CCDC185: variants seen among roughly 807,000 people sequenced by gnomAD.
The protein encoded by CCDC185 is coiled-coil domain containing 185.
For synonymous variants in CCDC185, 381 were observed against 348.1 expected (o/e 1.09, Z -1.05); for missense variants, 982 against 825.3 (o/e 1.19, Z -2.33).
At position 223,393,573 on chromosome 1, in the gene CCDC185, G is replaced by T; in HGVS notation, c.98G>T (p.Gly33Val). The T allele has an allele frequency of 6.5e-7, 1 of 1,546,342 alleles. No individual in the cohort carries two copies. The highest frequency in any genetic ancestry group is 1.4e-5 in the African/African-American group (1 of 71,374). The change falls in exon 1 of 1, where the codon GGG becomes GTG. Residue 33 changes from glycine to valine, a missense_variant. Gly to Val is a moderately radical substitution (Grantham distance 109). Coordinates refer to ENST00000366875, the MANE Select transcript of CCDC185 (RefSeq NM_152610.3). This position sits in a 1 kb window ranked among gnomAD's most constrained non-coding sequence, Gnocchi z 4.8. The part of the protein sequence containing the change: ...GERESTQRLG[G>V]QRSGADSTAC... ...CGAGAGTCCACGCAGCGGCTGGGCGGGCAGAGGTCCGGAGCCGACTCCACC... is the reference window on the plus strand; with the variant it reads ...CGAGAGTCCACGCAGCGGCTGGGCGTGCAGAGGTCCGGAGCCGACTCCACC...
rs141883646 is a variant in CCDC185 at position 223,394,517 on chromosome 1, G to C, written c.1042G>C (p.Glu348Gln). The C allele has an allele frequency of 4.5e-5, 71 of 1,592,702 alleles. No homozygotes were observed. Among genetic ancestry groups the C allele is most frequent in the Admixed American group, 1.2e-4 (7 of 56,132 alleles). ...GCCCCCGGGGGAAAGCCGGTGGAAG[G>C]AGCAACCAGAGGACCAGGAGAGCCC... ...NVPPGESRWK[E>Q]QPEDQESPRQ... The change falls in exon 1 of 1, where the codon GAG becomes CAG. Residue 348 changes from glutamate (E) to glutamine (Q), a missense_variant. Physicochemically the swap from Glu to Gln is conservative, Grantham distance 29. Transcript: ENST00000366875.
chr1:223,394,059 T>C lies in CCDC185; in HGVS notation c.584T>C (p.Val195Ala), dbSNP rs6689850. 84,274 of 1,614,054 alleles carry C rather than the reference T, an allele frequency of 0.052. 2,697 individuals carry two copies. Among genetic ancestry groups the C allele is most frequent in the Admixed American group, 0.12 (7,137 of 60,020 alleles). The change falls in exon 1 of 1, where the codon GTG becomes GCG. Residue 195 changes from valine to alanine, a missense_variant. Val to Ala is a moderately conservative substitution (Grantham distance 64, BLOSUM62 0). Coordinates refer to ENST00000366875, the MANE Select transcript of CCDC185 (RefSeq NM_152610.3). ...TCAGTTCCCTCGGAGCGGTCTTCTG[T>C]GCCCTCGCAAAAGTTCAAGAGGCAC... ...PSSVPSERSS[V>A]PSQKFKRHSA...
rs376868687 is a variant in CCDC185, at chr1:223,394,201, C to G, written c.726C>G (p.Val242=). The G allele has an allele frequency of 1.2e-6, 2 of 1,613,876 alleles. No homozygotes were observed. The highest frequency in any genetic ancestry group is 1.3e-5 in the African/African-American group (1 of 74,934). The change falls in exon 1 of 1, where the codon GTC becomes GTG. Residue 242 remains valine, a synonymous_variant. Coordinates refer to ENST00000366875, the MANE Select transcript of CCDC185 (RefSeq NM_152610.3). ...AGATGCGGAGCCCGCACACCCAGGTCCTGAAGAGCAAGCTGGAAGAGGTGG... is the reference window on the plus strand; with the variant it reads ...AGATGCGGAGCCCGCACACCCAGGTGCTGAAGAGCAAGCTGGAAGAGGTGG... ...SKEMRSPHTQ[V]LKSKLEEVVV...
In CCDC185 at chr1:223,394,476, G is replaced by T; in HGVS notation, c.1001G>T (p.Ser334Ile). The change falls in exon 1 of 1, where the codon AGC becomes ATC. Residue 334 changes from serine to isoleucine, a missense_variant. By Grantham distance (142) the Ser-to-Ile change is moderately radical. Coordinates refer to ENST00000366875, the MANE Select transcript of CCDC185 (RefSeq NM_152610.3). ...SPEQRGLRRD[S>I]QRKNVPPGES... Reference sequence around the variant, plus strand: ...GAGCAGCGCGGCCTGCGGCGGGACAGCCAGAGGAAGAACGTGCCCCCGGGG... The same window carrying T: ...GAGCAGCGCGGCCTGCGGCGGGACATCCAGAGGAAGAACGTGCCCCCGGGG... 1 of 1,574,006 alleles carries T rather than the reference G, an allele frequency of 6.4e-7. No individual in the cohort carries two copies. Among genetic ancestry groups the T allele is most frequent in the African/African-American group, 1.3e-5 (1 of 74,140 alleles).
chr1:223,394,849 G>A lies in CCDC185; in HGVS notation c.1374G>A (p.Arg458=), dbSNP rs770273917. 4 of 1,614,054 alleles carry A rather than the reference G, an allele frequency of 2.5e-6. No individual in the cohort carries two copies. The highest frequency in any genetic ancestry group is 1.7e-4 in the Middle Eastern group (1 of 6,040). ...RQLSLEQSFQ[R]SQEIHQGLRK... is the part of the protein sequence containing the mutation. ...TGTCCCTGGAACAAAGTTTCCAGCG[G>A]TCCCAGGAGATACACCAGGGCCTGA... is the stretch of plus-strand genomic sequence containing the variant. The change falls in exon 1 of 1, where the codon CGG becomes CGA. Residue 458 remains arginine, a synonymous_variant. Transcript: ENST00000366875.
In CCDC185 at chr1:223,394,892, G is replaced by A. The variant is rs150202794; in HGVS notation, c.1417G>A (p.Glu473Lys). The change falls in exon 1 of 1, where the codon GAG becomes AAG. Residue 473 changes from glutamate to lysine, a missense_variant. Transcript: ENST00000366875. ...GGGCCTGAGGAAGGAGCGGCAACGC[G>A]AGCTGAGGGAGAAGGCCCAGAAGGA... The part of the protein sequence containing the change: ...HQGLRKERQR[E>K]LREKAQKEEE... The A allele has an allele frequency of 2.8e-3, 4,478 of 1,614,154 alleles. 15 individuals carry two copies. Among genetic ancestry groups the A allele is most frequent in the Non-Finnish European group, 2.6e-3 (3,076 of 1,180,036 alleles).
Position 223,393,695 on chromosome 1 carries a change from G to T in CCDC185, c.220G>T (p.Gly74Trp). The T allele has an allele frequency of 1.3e-6, 2 of 1,573,624 alleles. No individual in the cohort carries two copies. The highest frequency in any genetic ancestry group is 1.7e-6 in the Non-Finnish European group (2 of 1,163,980). The change falls in exon 1 of 1, where the codon GGG (glycine) becomes TGG (tryptophan). Residue 74 changes from glycine (G) to tryptophan (W), a missense_variant. Gly to Trp is a radical substitution (Grantham distance 184). Transcript: ENST00000366875. The surrounding 1 kb of genome is among the most constrained non-coding windows in gnomAD (Gnocchi z 4.8). ...CSFTPRPRRR[G>W]CSDSLRGSRS... ...GTTCACCCCGCGGCCTCGCAGGCGC[G>T]GGTGCTCAGATTCACTGCGGGGCAG... is the stretch of plus-strand genomic sequence containing the variant.
Position 223,395,001 on chromosome 1 carries a change from T to G in CCDC185, c.1526T>G (p.Leu509Arg). The stretch of plus-strand genomic sequence containing the variant: ...ATGCGCAAAAGAATTCTGGTGGAGC[T>G]GGCGGATGAGAAGATCCGACAGGCC... ...RKMRKRILVE[L>R]ADEKIRQARS... The change falls in exon 1 of 1, where the codon CTG becomes CGG. Residue 509 changes from leucine (L) to arginine (R), a missense_variant. Transcript: ENST00000366875. The G allele has an allele frequency of 6.2e-7, 1 of 1,613,848 alleles. No homozygotes were observed. Among genetic ancestry groups the G allele is most frequent in the South Asian group, 1.1e-5 (1 of 91,060 alleles).
Position 223,394,688 on chromosome 1 carries a change from T to C in CCDC185, c.1213T>C (p.Cys405Arg). The change falls in exon 1 of 1, where the codon TGT becomes CGT. Residue 405 changes from cysteine to arginine, a missense_variant. Coordinates refer to ENST00000366875, the MANE Select transcript of CCDC185 (RefSeq NM_152610.3). ...LQLQRRLVEA[C>R]RKRHLHAVEG... ...GCTGCAGAGGAGGCTGGTGGAAGCC[T>C]GTCGCAAGAGGCACCTACATGCCGT... The C allele has an allele frequency of 1.2e-6, 2 of 1,612,050 alleles. No homozygotes were observed. Among genetic ancestry groups the C allele is most frequent in the Non-Finnish European group, 1.7e-6 (2 of 1,179,534 alleles).
Position 223,394,349 on chromosome 1 carries a change from CAGA to C in CCDC185, c.877_879del (p.Lys293del). 6.3e-7 allele frequency: 1 copy of C among 1,590,164 alleles called. No individual in the cohort carries two copies. The highest frequency in any genetic ancestry group is 8.6e-7 in the Non-Finnish European group (1 of 1,168,538). ...CTGGGAGGAGCTGAAGCGCTCGGATCAGAAGGTCCAGATGACCCTGGAGCGGGA... is the reference window on the plus strand; with the variant it reads ...CTGGGAGGAGCTGAAGCGCTCGGATCAGGTCCAGATGACCCTGGAGCGGGA... On this transcript the variant is annotated inframe_deletion, in exon 1 of 1. Coordinates refer to ENST00000366875, the MANE Select transcript of CCDC185 (RefSeq NM_152610.3).
rs1413468831 is a variant in CCDC185 at position 223,394,706 on chromosome 1, C to T, written c.1231C>T (p.His411Tyr). The change falls in exon 1 of 1, where the codon CAT becomes TAT. Residue 411 changes from histidine (H) to tyrosine (Y), a missense_variant. Transcript: ENST00000366875. ...GGAAGCCTGTCGCAAGAGGCACCTA[C>T]ATGCCGTGGAGGGCCAGAAGAAGGT... is the stretch of plus-strand genomic sequence containing the variant. ...LVEACRKRHL[H>Y]AVEGQKKVQD... 5.6e-6 allele frequency: 9 copies of T among 1,611,760 alleles called. No homozygotes were observed. The highest frequency in any genetic ancestry group is 1.7e-4 in the Middle Eastern group (1 of 6,048).
Position 223,394,535 on chromosome 1 carries a change from G to C in CCDC185, c.1060G>C (p.Glu354Gln). Reference protein sequence around the residue: ...SRWKEQPEDQESPRQEKLEKA... With the variant: ...SRWKEQPEDQQSPRQEKLEKA... The stretch of plus-strand genomic sequence containing the variant: ...GTGGAAGGAGCAACCAGAGGACCAG[G>C]AGAGCCCGCGCCAGGAGAAGCTGGA... Residue 354 changes from glutamate (E) to glutamine (Q), a missense_variant, in exon 1 of 1, where the codon GAG (glutamate) becomes CAG (glutamine). Glu to Gln is a conservative substitution (Grantham distance 29). Transcript: ENST00000366875. 1 of 1,598,344 alleles carries C rather than the reference G, an allele frequency of 6.3e-7. No individual in the cohort carries two copies. The highest frequency in any genetic ancestry group is 8.5e-7 in the Non-Finnish European group (1 of 1,173,050).
Position 223,394,381 on chromosome 1 carries a change from C to CCGG in CCDC185, c.908_910dup (p.Arg303dup). On this transcript the variant is annotated inframe_insertion, in exon 1 of 1. Coordinates refer to ENST00000366875, the MANE Select transcript of CCDC185 (RefSeq NM_152610.3). ...TCCAGATGACCCTGGAGCGGGAGCG[C>CCGG]CGGCTGCTGCTGCGGCAGAGCCAGG... 1 of 1,571,970 alleles carries CCGG rather than the reference C, an allele frequency of 6.4e-7. No individual in the cohort carries two copies. The highest frequency in any genetic ancestry group is 1.9e-5 in the Admixed American group (1 of 52,916).
In CCDC185 at chr1:223,394,401, G is replaced by A; in HGVS notation, c.926G>A (p.Ser309Asn). The A allele has an allele frequency of 5.1e-6, 8 of 1,570,046 alleles. No individual in the cohort carries two copies. The highest frequency in any genetic ancestry group is 2.4e-5 in the East Asian group (1 of 42,348). ...GAGCGCCGGCTGCTGCTGCGGCAGA[G>A]CCAGGAGCAGTGGCAGGAGAAGGAG... is the stretch of plus-strand genomic sequence containing the variant. The part of the protein sequence containing the change: ...ERERRLLLRQ[S>N]QEQWQEKEQR... Residue 309 changes from serine (S) to asparagine (N), a missense_variant, in exon 1 of 1, where the codon AGC (serine) becomes AAC (asparagine). Transcript: ENST00000366875.
chr1:223,393,425 C>T lies in CCDC185; in HGVS notation c.-51C>T, dbSNP rs1188336489. 23 of 1,405,218 alleles carry T rather than the reference C, an allele frequency of 1.6e-5. No individual in the cohort carries two copies. The highest frequency in any genetic ancestry group is 2.1e-5 in the Non-Finnish European group (23 of 1,080,728). The allele number at this position is 1,405,218 out of a possible 1,614,324, so 87.0% of individuals were successfully genotyped here. A position where few individuals can be genotyped will look rare whatever the true frequency, so the allele number is the denominator to read the frequency against. Reference sequence around the variant, plus strand: ...GCAGGGCGGGTGTCTGCAGCGTCCTCGGGAGGTCTCAGGCCCCTTGGGCAG... The same window carrying T: ...GCAGGGCGGGTGTCTGCAGCGTCCTTGGGAGGTCTCAGGCCCCTTGGGCAG... On this transcript the variant is annotated 5_prime_UTR_variant, in exon 1 of 1. Coordinates refer to ENST00000366875, the MANE Select transcript of CCDC185 (RefSeq NM_152610.3). This position sits in a 1 kb window ranked among gnomAD's most constrained non-coding sequence, Gnocchi z 4.8.
At position 223,394,995 on chromosome 1, in the gene CCDC185, T is replaced by C; in HGVS notation, c.1520T>C (p.Val507Ala). 1 of 1,613,904 alleles carries C rather than the reference T, an allele frequency of 6.2e-7. No homozygotes were observed. The highest frequency in any genetic ancestry group is 2.2e-5 in the East Asian group (1 of 44,844). ...EQRKMRKRILVELADEKIRQA... is the reference protein window; with the variant it reads ...EQRKMRKRILAELADEKIRQA... ...AGGAAGATGCGCAAAAGAATTCTGG[T>C]GGAGCTGGCGGATGAGAAGATCCGA... Residue 507 changes from valine to alanine, a missense_variant, in exon 1 of 1, where the codon GTG becomes GCG. Transcript: ENST00000366875.
Position 223,393,759 on chromosome 1 carries a change from G to A in CCDC185, c.284G>A (p.Arg95His). Residue 95 changes from arginine (R) to histidine (H), a missense_variant, in exon 1 of 1, where the codon CGT becomes CAT. Transcript: ENST00000366875. The surrounding 1 kb of genome is among the most constrained non-coding windows in gnomAD (Gnocchi z 4.8). ...LSDVARRPLERSRKHRPRSRR... is the reference protein window; with the variant it reads ...LSDVARRPLEHSRKHRPRSRR... ...GATGTGGCCCGCAGGCCCCTGGAAC[G>A]TTCCAGGAAGCACCGGCCCCGCAGC... The A allele has an allele frequency of 1.9e-6, 3 of 1,565,068 alleles. No individual in the cohort carries two copies. Among genetic ancestry groups the A allele is most frequent in the Non-Finnish European group, 2.6e-6 (3 of 1,157,388 alleles).
chr1:223,394,901 G>C lies in CCDC185; in HGVS notation c.1426G>C (p.Glu476Gln). 6.2e-7 allele frequency: 1 copy of C among 1,614,198 alleles called. No individual in the cohort carries two copies. The highest frequency in any genetic ancestry group is 8.5e-7 in the Non-Finnish European group (1 of 1,180,040). ...LRKERQRELR[E>Q]KAQKEEEQLQ... ...GAAGGAGCGGCAACGCGAGCTGAGG[G>C]AGAAGGCCCAGAAGGAGGAAGAGCA... is the stretch of plus-strand genomic sequence containing the variant. The change falls in exon 1 of 1, where the codon GAG becomes CAG. Residue 476 changes from glutamate (E) to glutamine (Q), a missense_variant. Glu to Gln is a conservative substitution (Grantham distance 29, BLOSUM62 2). Transcript: ENST00000366875.
chr1:223,395,339 G>C lies in CCDC185; in HGVS notation c.1864G>C (p.Gly622Arg). ...GCTCCGTGCCTGTCAGCAGAACAGG[G>C]GTTACTGAGAACCAAGGACGCCTGG... ...AQLRACQQNR[G>R]Y Residue 622 changes from glycine (G) to arginine (R), a missense_variant, in exon 1 of 1, where the codon GGT (glycine) becomes CGT (arginine). Gly to Arg is a moderately radical substitution (Grantham distance 125, BLOSUM62 -2). Transcript: ENST00000366875. The C allele has an allele frequency of 6.6e-7, 1 of 1,512,132 alleles. No homozygotes were observed. The highest frequency in any genetic ancestry group is 8.8e-7 in the Non-Finnish European group (1 of 1,133,078). 93.7% of individuals were successfully genotyped at this position (1,512,132 alleles called of 1,614,324 possible). A position where few individuals can be genotyped will look rare whatever the true frequency, so the allele number is the denominator to read the frequency against.
Sources: allele counts gnomAD v4.1 joint callset, GRCh38; gene constraint gnomAD v4.1.1; non-coding constraint Gnocchi (gnomAD v3.1); transcripts MANE v1.5; gene names NCBI Gene and HGNC (gene_info 2026-07-23, HGNC 2026-07-21).